The following SGCZ variants were observed in gnomAD, a reference collection of about 807,000 sequenced individuals.
SGCZ encodes the protein zeta-sarcoglycan.
Under a neutral mutation model 41.3 loss-of-function variants are expected in SGCZ, and 40 were observed. The observed-to-expected ratio is 0.97, with a 90% confidence interval of 0.75 to 1.26. SGCZ has a LOEUF of 1.26. Ranked by LOEUF, SGCZ falls within the 50% of genes most tolerant of loss-of-function variation. SGCZ has a pLI of 0.00. For synonymous variants in SGCZ, 206 were observed against 137.5 expected (o/e 1.50, Z -3.49); for missense variants, 552 against 369.8 (o/e 1.49, Z -4.04).
chr8:15,107,718 G>A (rs1806886557), intron 1 of SGCZ, among the ~76,000 whole-genome samples: 1 of 152,038 alleles, frequency 6.6e-6, no homozygotes, highest in African/African-American at 2.4e-5. Context: ...AACACAAAAC[G>A]GATTAAGACA....
intron 1 of SGCZ, among the ~76,000 whole-genome samples, chr8:14,788,808 T>A (rs2130460991): frequency 6.6e-6 from 1 of 152,204 alleles, no homozygotes; most frequent in Admixed American, 6.5e-5. Context: ...TGTGAACTGA[T>A]CAATATAAAG....
intron 1 of SGCZ, among the ~76,000 whole-genome samples, chr8:15,067,950 T>A (rs922879857): frequency 1.3e-5 from 2 of 152,160 alleles, no homozygotes; most frequent in Non-Finnish European, 2.9e-5. Context: ...AAAGATGATT[T>A]AGAAAAGCCA....
At chr8:14,631,036 A>C (rs1408516655) in intron 1 of SGCZ, among the ~76,000 whole-genome samples, 1 of 152,064 alleles carries the variant, frequency 6.6e-6, no homozygotes, top group Non-Finnish European at 1.5e-5. Flanking sequence ...AATAAAAATA[A>C]AAATAAATTT....
intron 4 of SGCZ, among the ~76,000 whole-genome samples, chr8:14,226,482 T>A (rs1057509445): frequency 3.9e-5 from 6 of 152,110 alleles, no homozygotes; most frequent in Non-Finnish European, 8.8e-5. Flanking sequence ...AATGCCATCA[T>A]ACAGTATGTA....
intron 1 of SGCZ, among the ~76,000 whole-genome samples, chr8:14,729,842 T>C (rs916860549): frequency 2.6e-5 from 4 of 152,208 alleles, no homozygotes; most frequent in African/African-American, 9.6e-5. Flanking sequence ...CCTGGCAGTT[T>C]AGGAGGACGA....
chr8:14,924,668 A>G (rs1799690013), intron 1 of SGCZ, among the ~76,000 whole-genome samples: 1 of 152,162 alleles, frequency 6.6e-6, no homozygotes, highest in African/African-American at 2.4e-5. Flanking sequence ...TTTACTTTCT[A>G]TAAAAATGAA....
In SGCZ at chr8:14,545,826, C is replaced by T. The variant is rs577453894; in HGVS notation, c.234+8906G>A. Among the ~76,000 whole-genome samples the T allele has an allele frequency of 3.3e-5, 5 of 152,160 alleles. No homozygotes were observed. The East Asian group carries it at 9.6e-4, about 29-fold the overall frequency. The stretch of plus-strand genomic sequence containing the variant: ...TCAACAGCTAATTTTCTTAATCCTT[C>T]TTTTTCTCTGGCAACATTTCTAGTA... On this transcript the variant is annotated intron_variant, in intron 2 of 7. Coordinates refer to ENST00000382080, the MANE Select transcript of SGCZ (RefSeq NM_139167.4).
At chr8:15,023,660 C>T (rs1420938682) in intron 1 of SGCZ, among the ~76,000 whole-genome samples, 1 of 152,122 alleles carries the variant, frequency 6.6e-6, no homozygotes, top group Non-Finnish European at 1.5e-5. Flanking sequence ...TAAATATTGG[C>T]ATGCAAGAGA....
intron 1 of SGCZ, among the ~76,000 whole-genome samples, chr8:14,755,431 G>GT (rs33952285): frequency 0.68 from 102,835 of 151,884 alleles, 35,077 homozygotes; most frequent in East Asian, 0.81. Flanking sequence ...GTGTCAGCTG[G>GT]TTTTTCATAA....
At chr8:14,958,122 G>T (rs1351222782) in intron 1 of SGCZ, among the ~76,000 whole-genome samples, 1 of 151,796 alleles carries the variant, frequency 6.6e-6, no homozygotes, top group South Asian at 2.1e-4. Context: ...ACCAGTAGGG[G>T]TCCTCTGGAC....
intron 1 of SGCZ, among the ~76,000 whole-genome samples, chr8:14,958,693 TG>T (rs1800869980): frequency 1.3e-5 from 2 of 152,136 alleles, no homozygotes; most frequent in Non-Finnish European, 2.9e-5. Context: ...TTTAGATTTG[TG>T]CATTTTATCA....
At chr8:14,506,042 A>G (rs1273953957) in intron 2 of SGCZ, among the ~76,000 whole-genome samples, 1 of 152,002 alleles carries the variant, frequency 6.6e-6, no homozygotes, top group African/African-American at 2.4e-5. Context: ...AAAGCAATCT[A>G]AAACAATTTT....
At chr8:14,229,421 CT>C (rs1444769460) in intron 4 of SGCZ, among the ~76,000 whole-genome samples, 1 of 151,990 alleles carries the variant, frequency 6.6e-6, no homozygotes, top group East Asian at 1.9e-4. Flanking sequence ...TCACAGGCAT[CT>C]ACTTCAACTT....
chr8:14,127,195 T>C (rs896714582), intron 5 of SGCZ, among the ~76,000 whole-genome samples: 1 of 152,076 alleles, frequency 6.6e-6, no homozygotes, highest in Non-Finnish European at 1.5e-5. Context: ...TAAATGAGGC[T>C]GAATTATTAT....
chr8:14,913,019 A>T (rs1016042467), intron 1 of SGCZ, among the ~76,000 whole-genome samples: 1 of 152,176 alleles, frequency 6.6e-6, no homozygotes, highest in South Asian at 2.1e-4. Context: ...TAAAAATATC[A>T]TGACAACTTT....
chr8:14,743,249 T>C (rs1245752280), intron 1 of SGCZ, among the ~76,000 whole-genome samples: 1 of 152,096 alleles, frequency 6.6e-6, no homozygotes, highest in East Asian at 1.9e-4. Context: ...CTTATTAATA[T>C]ATTTTACCTT....
intron 2 of SGCZ, among the ~76,000 whole-genome samples, chr8:14,389,751 G>C (rs1804699482): frequency 6.6e-6 from 1 of 151,922 alleles, no homozygotes; most frequent in African/African-American, 2.4e-5. Context: ...CAAACATCTG[G>C]CTAAAACTGA....
chr8:14,309,048 C>G (rs1002932106), intron 3 of SGCZ: 1 of 1,347,906 alleles, frequency 7.4e-7, no homozygotes, highest in South Asian at 1.3e-5. Flanking sequence ...GCCTCCCCTA[C>G]TCTTAATTCC....
intron 1 of SGCZ, among the ~76,000 whole-genome samples, chr8:15,142,123 T>C (rs1010125093): frequency 1.3e-5 from 2 of 152,252 alleles, no homozygotes; most frequent in South Asian, 4.1e-4. Flanking sequence ...CCCACTGAAA[T>C]GGACATGTTT....
Sources: gnomAD v4.1 joint callset for allele counts (sites outside exome capture counted in the v4.1 genomes callset) on GRCh38, gnomAD v4.1.1 for gene constraint, MANE v1.5 for transcripts, NCBI Gene and HGNC (gene_info 2026-07-23, HGNC 2026-07-21) for gene names.